The following RBFOX1 variants were observed in gnomAD, a reference collection of about 807,000 sequenced individuals.
RBFOX1 encodes the protein RNA binding protein fox-1 homolog 1.
RBFOX1 carries 8 observed loss-of-function variants against 57.7 expected under a neutral mutation model. The observed-to-expected ratio is 0.14, with a 90% CI of 0.08 to 0.25. The LOEUF (loss-of-function observed/expected upper bound fraction) is 0.25. Among genes scored for constraint, RBFOX1 ranks in the 10% least tolerant of loss-of-function variants. The pLI is 1.00. For synonymous variants in RBFOX1, 326 were observed against 222.4 expected, an observed-to-expected ratio of 1.47 and a Z score of -4.15; for missense variants, 611 against 548.5, an observed-to-expected ratio of 1.11 and a Z score of -1.14.
At chr16:7,606,465 C>G (rs2095290444) in intron 9 of RBFOX1, among the ~76,000 whole-genome samples, 1 of 152,142 alleles carries the variant, frequency 6.6e-6, no homozygotes, top group African/African-American at 2.4e-5. Context: ...GAGCAGGAAA[C>G]AATAACAAAA....
chr16:5,770,567 C>T (rs951810174), intron 3 of RBFOX1, among the ~76,000 whole-genome samples: 6 of 152,262 alleles, frequency 3.9e-5, no homozygotes, highest in East Asian at 1.9e-4. Context: ...ATGGGGTAGC[C>T]CTGCTATTTC....
chr16:5,547,924 C>T (rs1295158775), intron 2 of RBFOX1, among the ~76,000 whole-genome samples: 3 of 151,838 alleles, frequency 2.0e-5, no homozygotes, highest in African/African-American at 7.3e-5. Context: ...CTTTGGGAGG[C>T]TAAGGTGGGC....
chr16:6,967,757 C>T (rs1218152769), intron 3 of RBFOX1, among the ~76,000 whole-genome samples: 1 of 152,102 alleles, frequency 6.6e-6, no homozygotes, highest in African/African-American at 2.4e-5. Context: ...GCCCGTGCAG[C>T]TGTGGGACCC....
intron 4 of RBFOX1, among the ~76,000 whole-genome samples, chr16:7,103,124 C>A (rs1217419110): frequency 6.6e-6 from 1 of 151,510 alleles, no homozygotes; most frequent in Non-Finnish European, 1.5e-5. Flanking sequence ...GCTTTCCAAG[C>A]TGTCGGACCA....
intron 1 of RBFOX1, among the ~76,000 whole-genome samples, chr16:5,268,226 C>A (rs1304020530): frequency 6.6e-6 from 1 of 152,106 alleles, no homozygotes; most frequent in Non-Finnish European, 1.5e-5. Flanking sequence ...TTTTTCTTTA[C>A]CCATGAAAAT....
intron 4 of RBFOX1, among the ~76,000 whole-genome samples, chr16:5,996,637 T>C (rs968020409): frequency 6.6e-6 from 1 of 152,022 alleles, no homozygotes; most frequent in Non-Finnish European, 1.5e-5. Flanking sequence ...AATTGCAGCA[T>C]AGGCATTTAC....
At chr16:7,575,848 G>A (rs1274933237) in intron 5 of RBFOX1, among the ~76,000 whole-genome samples, 1 of 152,160 alleles carries the variant, frequency 6.6e-6, no homozygotes, top group Non-Finnish European at 1.5e-5. Context: ...ACCCCAACAT[G>A]CGTTAGGCTC....
At chr16:5,832,021 T>TC (rs1250755144) in intron 3 of RBFOX1, among the ~76,000 whole-genome samples, 1 of 152,116 alleles carries the variant, frequency 6.6e-6, no homozygotes, top group Non-Finnish European at 1.5e-5. Flanking sequence ...GGTATGTCTG[T>TC]CTGGTTGAAG....
rs117666981 is a variant in RBFOX1 at position 6,746,817 on chromosome 16, C to G, written c.-16+92167C>G. Among the ~76,000 whole-genome samples the G allele has an allele frequency of 7.6e-3, 1,155 of 152,104 alleles. 7 individuals are homozygous for G. The highest frequency in any genetic ancestry group is 0.012 in the Non-Finnish European group (805 of 67,990). On this transcript the variant is annotated intron_variant, in intron 3 of 15. Transcript: ENST00000550418. ...ATAAGCCAAAGTTTGCTAGTGATCC[C>G]AAGTCTGTTATAGGAATGTGAGATT...
intron 3 of RBFOX1, among the ~76,000 whole-genome samples, chr16:5,662,447 T>C (rs1437806577): frequency 1.3e-5 from 2 of 151,990 alleles, no homozygotes; most frequent in Non-Finnish European, 2.9e-5. Flanking sequence ...TCTGGAAAAC[T>C]CCCCCATACA....
At chr16:6,364,810 C>G (rs184533442) in intron 2 of RBFOX1, among the ~76,000 whole-genome samples, 4 of 152,222 alleles carry the variant, frequency 2.6e-5, no homozygotes, top group African/African-American at 9.6e-5. Context: ...TTCCCTCTGC[C>G]TGGTTGGCTG....
chr16:6,688,472 G>C (rs1193473003), intron 3 of RBFOX1, among the ~76,000 whole-genome samples: 3 of 152,114 alleles, frequency 2.0e-5, no homozygotes, highest in African/African-American at 7.2e-5. Flanking sequence ...CTTGGCAACA[G>C]CAGTGGGGAT....
At chr16:6,078,355 T>C (rs1003637425) in intron 1 of RBFOX1, among the ~76,000 whole-genome samples, 7 of 152,212 alleles carry the variant, frequency 4.6e-5, no homozygotes, top group Non-Finnish European at 8.8e-5. Context: ...GCTTTGAATG[T>C]TGTCCAACAA....
chr16:7,349,129 G>T (rs1410267485), intron 4 of RBFOX1, among the ~76,000 whole-genome samples: 2 of 152,116 alleles, frequency 1.3e-5, no homozygotes, highest in African/African-American at 4.8e-5. Flanking sequence ...ATGGTTCTCA[G>T]AACACAAAAC....
At chr16:7,103,128 C>T (rs181897147) in intron 4 of RBFOX1, among the ~76,000 whole-genome samples, 21 of 151,210 alleles carry the variant, frequency 1.4e-4, no homozygotes, top group Non-Finnish European at 2.2e-4. Context: ...TCCAAGCTGT[C>T]GGACCAAAGT....
intron 14 of RBFOX1, among the ~76,000 whole-genome samples, chr16:7,686,556 T>G (rs7206408): frequency 6.6e-6 from 1 of 151,678 alleles, no homozygotes; most frequent in Non-Finnish European, 1.5e-5. Flanking sequence ...AGACTTTCCT[T>G]TAGGAGTCTA....
At chr16:5,801,200 C>T (rs2055044209) in intron 3 of RBFOX1, among the ~76,000 whole-genome samples, 1 of 152,140 alleles carries the variant, frequency 6.6e-6, no homozygotes. Context: ...TTCTATGTAG[C>T]ACATTAATGT....
intron 4 of RBFOX1, among the ~76,000 whole-genome samples, chr16:7,370,061 G>C (rs759673114): frequency 6.6e-6 from 1 of 152,172 alleles, no homozygotes; most frequent in Non-Finnish European, 1.5e-5. Flanking sequence ...ACATTTTCAA[G>C]CTTGGCACTA....
At chr16:7,177,943 G>C (rs917411740) in intron 4 of RBFOX1, among the ~76,000 whole-genome samples, 2 of 152,198 alleles carry the variant, frequency 1.3e-5, no homozygotes, top group East Asian at 3.8e-4. Context: ...GTGCTCAGAA[G>C]ATCAACTGGA....
Sources: gnomAD v4.1 joint callset for allele counts (sites outside exome capture counted in the v4.1 genomes callset) on GRCh38, gnomAD v4.1.1 for gene constraint, MANE v1.5 for transcripts, NCBI Gene and HGNC (gene_info 2026-07-23, HGNC 2026-07-21) for gene names.